TCF7L2: variants seen among roughly 807,000 people sequenced by gnomAD.
The protein encoded by TCF7L2 is transcription factor 7 like 2.
TCF7L2 carries 23 observed loss-of-function variants against 77.9 expected under a neutral mutation model. The observed-to-expected ratio is 0.30, with a 90% CI of 0.21 to 0.42. The LOEUF (loss-of-function observed/expected upper bound fraction) is 0.42. TCF7L2 is among the 10% of genes least tolerant of loss of function. TCF7L2 has a pLI of 1.00. For synonymous variants in TCF7L2, 413 were observed against 340.2 expected (o/e 1.21, Z -2.36); for missense variants, 654 against 793.1 (o/e 0.82, Z 2.11).
At chr10:113,139,654 T>TC (rs1016567136) in intron 5 of TCF7L2, among the ~76,000 whole-genome samples, 1 of 152,188 alleles carries the variant, frequency 6.6e-6, no homozygotes, top group African/African-American at 2.4e-5. Context: ...GACTTCTTTT[T>TC]CTGTAGTTTT....
At chr10:113,088,062 T>G (rs953129409) in intron 5 of TCF7L2, among the ~76,000 whole-genome samples, 2 of 152,154 alleles carry the variant, frequency 1.3e-5, no homozygotes, top group Non-Finnish European at 2.9e-5. Flanking sequence ...CTGAACAAAT[T>G]ACATGAAAAA....
At chr10:113,160,580 C>A (rs1386831231) in intron 12 of TCF7L2, 1 of 1,551,960 alleles carries the variant, frequency 6.4e-7, no homozygotes, top group Admixed American at 1.9e-5. Context: ...CACGACCCAC[C>A]ATTGTGTTGT....
intron 5 of TCF7L2, among the ~76,000 whole-genome samples, chr10:113,125,315 C>G (rs2065409513): frequency 6.7e-6 from 1 of 149,282 alleles, no homozygotes; most frequent in Non-Finnish European, 1.5e-5. Flanking sequence ...AAAAGATATG[C>G]CGTCTGCATT....
At position 113,165,731 on chromosome 10, in the gene TCF7L2, C is replaced by G. The variant is rs774587800; in HGVS notation, c.1568C>G (p.Pro523Arg). 1.9e-6 allele frequency: 3 copies of G among 1,612,960 alleles called. No homozygotes were observed. Among genetic ancestry groups the G allele is most frequent in the Non-Finnish European group, 8.5e-7 (1 of 1,179,592 alleles). Reference sequence around the variant, plus strand: ...CAGCCTCTGTCGCTGTCCCTGAAGCCCGACCCCCTGGCCCACCTGTCCATG... The same window carrying G: ...CAGCCTCTGTCGCTGTCCCTGAAGCGCGACCCCCTGGCCCACCTGTCCATG... Residue 523 changes from proline to arginine, a missense_variant, in exon 14 of 14, where the codon CCC (proline) becomes CGC (arginine). Pro to Arg is a moderately radical substitution (Grantham distance 103, BLOSUM62 -2). This residue lies in a region of TCF7L2 where 272 missense variants were observed against 215.4 expected (regional missense o/e 1.26). Coordinates refer to ENST00000627217, the MANE Select transcript of TCF7L2 (RefSeq NM_001146274.2).
chr10:113,149,536 T>C (rs2070286350), intron 8 of TCF7L2, among the ~76,000 whole-genome samples: 1 of 152,008 alleles, frequency 6.6e-6, no homozygotes, highest in African/African-American at 2.4e-5. Flanking sequence ...GTTAGTACTT[T>C]AATCATTTTA....
At chr10:113,091,113 A>T (rs557529074) in intron 5 of TCF7L2, among the ~76,000 whole-genome samples, 1 of 152,080 alleles carries the variant, frequency 6.6e-6, no homozygotes, top group South Asian at 2.1e-4. Flanking sequence ...TGTTGGTCAG[A>T]CTGTTCTTGA....
chr10:113,026,494 C>A (rs1414071719), intron 4 of TCF7L2, among the ~76,000 whole-genome samples: 6 of 152,144 alleles, frequency 3.9e-5, no homozygotes, highest in African/African-American at 1.4e-4. Flanking sequence ...TTTTTCTAGA[C>A]CCTTCTGTCA....
At chr10:113,066,919 T>C (rs778558324) in intron 5 of TCF7L2, among the ~76,000 whole-genome samples, 1 of 152,150 alleles carries the variant, frequency 6.6e-6, no homozygotes, top group Admixed American at 6.5e-5. Flanking sequence ...CATCTCCTCA[T>C]TGGGAGGAGT....
intron 4 of TCF7L2, among the ~76,000 whole-genome samples, chr10:113,038,348 C>A (rs1162610671): frequency 6.6e-6 from 1 of 152,086 alleles, no homozygotes; most frequent in Non-Finnish European, 1.5e-5. Flanking sequence ...TTGCTCACCA[C>A]GGGAGGCCTC....
In TCF7L2 at chr10:113,110,548, T is replaced by G. The variant is rs377287354; in HGVS notation, c.553-30636T>G. ...TACACATGTCTTTGGTAAAGGAAGC[T>G]CTTCTTCTCACAAGCCTGGCTGCCC... On this transcript the variant is annotated intron_variant, in intron 5 of 13. Coordinates refer to ENST00000627217, the MANE Select transcript of TCF7L2 (RefSeq NM_001146274.2). 1.9e-4 allele frequency among the ~76,000 whole-genome samples: 29 copies of G among 152,292 alleles called. No individual in the cohort carries two copies. In the South Asian group the frequency reaches 5.2e-3, roughly 27 times the overall value.
Position 113,165,890 on chromosome 10 carries a change from C to T in TCF7L2, c.1727C>T (p.Ser576Leu), listed in dbSNP as rs1468304465. 1.6e-5 allele frequency: 26 copies of T among 1,601,726 alleles called. No individual in the cohort carries two copies. Among genetic ancestry groups the T allele is most frequent in the Admixed American group, 1.7e-5 (1 of 58,212 alleles). Residue 576 changes from serine to leucine, a missense_variant, in exon 14 of 14, where the codon TCG becomes TTG. Around this residue, in one of 6 missense-constraint regions of TCF7L2, gnomAD observed 272 missense variants for 215.4 expected, o/e 1.26. Coordinates refer to ENST00000627217, the MANE Select transcript of TCF7L2 (RefSeq NM_001146274.2). ...CCCTCCTCATCAATTGCACAGCCGT[C>T]GACTTCTTCCTTACATTCCCACAGC... is the stretch of plus-strand genomic sequence containing the variant.
intron 5 of TCF7L2, chr10:113,125,838 G>C (rs1397337743): frequency 5.3e-5 from 8 of 152,222 alleles, no homozygotes; most frequent in African/African-American, 1.7e-4. Flanking sequence ...AGGCAGGGCT[G>C]CGGAAATAAT....
intron 5 of TCF7L2, among the ~76,000 whole-genome samples, chr10:113,107,689 G>GC (rs1273407397): frequency 7.5e-6 from 1 of 134,128 alleles, no homozygotes; most frequent in Non-Finnish European, 1.6e-5. Flanking sequence ...CTTACAGCGA[G>GC]CTTGCAGTGA....
intron 7 of TCF7L2, 39 bp from the exon 8 acceptor site, chr10:113,145,972 C>CCTTTTTTTAGTTTTTTTT: frequency 7.4e-7 from 1 of 1,342,580 alleles, no homozygotes; most frequent in South Asian, 1.2e-5. Context: ...CACCCCCACC[C>CCTTTTTTTAGTTTTTTTT]TTGTTTCAAG....
intron 5 of TCF7L2, among the ~76,000 whole-genome samples, chr10:113,045,014 G>T (rs1005638860): frequency 7.9e-5 from 12 of 152,150 alleles, no homozygotes; most frequent in African/African-American, 2.9e-4. Flanking sequence ...TTAGATATTG[G>T]CATTGAGGGA....
At chr10:113,007,638 A>G (rs1343269766) in intron 4 of TCF7L2, among the ~76,000 whole-genome samples, 1 of 152,228 alleles carries the variant, frequency 6.6e-6, no homozygotes, top group Non-Finnish European at 1.5e-5. Flanking sequence ...ATGCACCCCA[A>G]TATTGGAAGA....
chr10:113,109,518 G>A (rs2062849559), intron 5 of TCF7L2, among the ~76,000 whole-genome samples: 1 of 152,162 alleles, frequency 6.6e-6, no homozygotes, highest in Non-Finnish European at 1.5e-5. Context: ...AGCCTCCCAA[G>A]TAGCTGGGAT....
At chr10:113,080,461 T>C (rs561188923) in intron 5 of TCF7L2, among the ~76,000 whole-genome samples, 1 of 152,286 alleles carries the variant, frequency 6.6e-6, no homozygotes, top group African/African-American at 2.4e-5. Flanking sequence ...GGGGCAAGTA[T>C]TGGAACCAAG....
rs188113858 is a variant in TCF7L2 at position 113,133,645 on chromosome 10, G to T, written c.553-7539G>T. The stretch of plus-strand genomic sequence containing the variant: ...CTGCACGTTTCTCCTCTCCCTGCTT[G>T]CTCTGTTCAGTCATTTCCCAGCAAG... On this transcript the variant is annotated intron_variant, in intron 5 of 13. Transcript: ENST00000627217. 2.0e-4 allele frequency among the ~76,000 whole-genome samples: 30 copies of T among 152,310 alleles called. No homozygotes were observed. In the East Asian group the frequency reaches 5.2e-3, roughly 26 times the overall value.
Sources: allele counts gnomAD v4.1 joint callset (sites outside exome capture counted in the v4.1 genomes callset), GRCh38; gene constraint gnomAD v4.1.1; regional missense constraint gnomAD v4.1.1; transcripts MANE v1.5; gene names NCBI Gene and HGNC (gene_info 2026-07-23, HGNC 2026-07-21).